ALKBH8: variants seen among roughly 807,000 people sequenced by gnomAD.
The protein encoded by ALKBH8 is alkB homolog 8, tRNA methyltransferase.
Under a neutral mutation model 59.8 loss-of-function variants are expected in ALKBH8, and 36 were observed. The observed-to-expected ratio is 0.60, with a 90% CI of 0.46 to 0.79. The LOEUF (loss-of-function observed/expected upper bound fraction) is 0.79. Ranked by LOEUF, ALKBH8 falls within the 30% of genes least tolerant of loss-of-function variation. The probability of loss-of-function intolerance (pLI) is 0.00; values close to 1 mark genes in which losing one functional copy is unlikely to be tolerated. For missense variants in ALKBH8, 768 were observed against 801.0 expected, an observed-to-expected ratio of 0.96 and a Z score of 0.50; for synonymous variants, 276 against 273.6, an observed-to-expected ratio of 1.01 and a Z score of -0.09.
rs114605165 is a variant in ALKBH8, at chr11:107,529,923, G to A, written c.878+2377C>T. ...ACAACTGATGCTCAGCCTTAGATCA[G>A]GGAGTAACAGAAAGGGGTAGGAACT... On this transcript the variant is annotated intron_variant, in intron 8 of 11. Transcript: ENST00000428149. 1.3e-3 allele frequency among the ~76,000 whole-genome samples: 192 copies of A among 152,278 alleles called. 1 individual carries two copies. The highest frequency in any genetic ancestry group is 4.4e-3 in the African/African-American group (184 of 41,554).
At chr11:107,551,771 AAT>A in intron 6 of ALKBH8, 35 bp downstream of exon 6, 1 of 1,340,176 alleles carries the variant, frequency 7.5e-7, no homozygotes, top group Non-Finnish European at 1.0e-6. Context: ...TCAGTTCCAA[AAT>A]ATGTGACTAA....
chr11:107,564,229 G>A (rs748149400), intron 1 of ALKBH8, among the ~76,000 whole-genome samples: 1 of 152,138 alleles, frequency 6.6e-6, no homozygotes, highest in African/African-American at 2.4e-5. Context: ...TTGCTTGTTA[G>A]TGAGTTTAAA....
intron 11 of ALKBH8, among the ~76,000 whole-genome samples, chr11:107,509,992 C>CCTTCCTCTATT (rs2135470861): frequency 6.6e-6 from 1 of 152,294 alleles, no homozygotes; most frequent in African/African-American, 2.4e-5. Flanking sequence ...ACTGGTATAG[C>CCTTCCTCTATT]TGCTCCTTTC....
intron 7 of ALKBH8, among the ~76,000 whole-genome samples, chr11:107,543,273 TG>T (rs1864120809): frequency 6.6e-6 from 1 of 151,640 alleles, no homozygotes; most frequent in African/African-American, 2.4e-5. Context: ...AGGCGGAGGT[TG>T]CAGTGAGCCA....
intron 3 of ALKBH8, 25 bp downstream of exon 3, chr11:107,556,741 T>A (rs1864729646): frequency 7.7e-7 from 1 of 1,302,218 alleles, no homozygotes; most frequent in African/African-American, 1.5e-5. Flanking sequence ...GAATCATTTT[T>A]TAAAAGATAA....
chr11:107,560,621 C>G (rs930487526), intron 2 of ALKBH8, 144 bp downstream of exon 2: 1 of 686,928 alleles, frequency 1.5e-6, no homozygotes, highest in African/African-American at 1.8e-5. Context: ...AGAAAGTTAG[C>G]AGTTCATATC....
In ALKBH8 at chr11:107,505,109, G is replaced by C. The variant is rs771898321; in HGVS notation, c.1544C>G (p.Ser515Cys). The C allele has an allele frequency of 6.4e-7, 1 of 1,551,136 alleles. No homozygotes were observed. The highest frequency in any genetic ancestry group is 1.2e-5 in the South Asian group (1 of 84,056). The change falls in exon 12 of 12, where the codon TCC becomes TGC. Residue 515 changes from serine to cysteine, a missense_variant. Physicochemically the swap from Ser to Cys is moderately radical, Grantham distance 112 (BLOSUM62 -1). Coordinates refer to ENST00000428149, the MANE Select transcript of ALKBH8 (RefSeq NM_138775.3). The stretch of plus-strand genomic sequence containing the variant: ...ATTTCTGTTTCCTCTAAGATACTTG[G>C]ACTTCTGCTTATTATATTCTTGTTC... ...AMEQEYNKQK[S>C]KYLRGNRNSQ...
At chr11:107,548,592 C>T (rs1864361978) in intron 7 of ALKBH8, among the ~76,000 whole-genome samples, 1 of 152,152 alleles carries the variant, frequency 6.6e-6, no homozygotes, top group African/African-American at 2.4e-5. Flanking sequence ...TAAGAATCTA[C>T]ATACATAGTT....
chr11:107,530,786 C>A (rs1417476068), intron 8 of ALKBH8, among the ~76,000 whole-genome samples: 1 of 152,118 alleles, frequency 6.6e-6, no homozygotes, highest in Non-Finnish European at 1.5e-5. Context: ...ATCTAACTTT[C>A]CAGAGACAAC....
intron 10 of ALKBH8, among the ~76,000 whole-genome samples, chr11:107,517,636 T>G (rs1391390287): frequency 3.3e-5 from 5 of 152,182 alleles, no homozygotes; most frequent in African/African-American, 4.8e-5. Flanking sequence ...TGGAGGACAT[T>G]AGGTTAAGTG....
chr11:107,559,994 T>C (rs1391640176), intron 2 of ALKBH8, among the ~76,000 whole-genome samples: 1 of 152,202 alleles, frequency 6.6e-6, no homozygotes, highest in African/African-American at 2.4e-5. Context: ...AAGAACTCCT[T>C]ATATTCATGG....
intron 10 of ALKBH8, among the ~76,000 whole-genome samples, chr11:107,515,032 C>G (rs1293432970): frequency 6.6e-6 from 1 of 152,174 alleles, no homozygotes; most frequent in East Asian, 1.9e-4. Flanking sequence ...AATAAAGCAT[C>G]AGATCTGATG....
chr11:107,557,116 A>G, intron 2 of ALKBH8, 113 bp from the exon 3 acceptor site: 1 of 792,214 alleles, frequency 1.3e-6, no homozygotes, highest in Non-Finnish European at 1.8e-6. Flanking sequence ...AAAAAAAAGC[A>G]TTTCCTTGTA....
chr11:107,536,799 G>A (rs1045251514), intron 7 of ALKBH8, among the ~76,000 whole-genome samples: 1 of 152,102 alleles, frequency 6.6e-6, no homozygotes, highest in Non-Finnish European at 1.5e-5. Context: ...AAAAGGCCTC[G>A]GCAGAGGTGC....
chr11:107,508,432 CA>C (rs1160854326), intron 11 of ALKBH8, among the ~76,000 whole-genome samples: 4 of 152,166 alleles, frequency 2.6e-5, no homozygotes, highest in African/African-American at 4.8e-5. Context: ...TTTGTCCTTC[CA>C]AAGCACTGGG....
Position 107,504,776 on chromosome 11 carries a change from TAA to T in ALKBH8, c.1875_1876del (p.Tyr626LeufsTer6). On this transcript the variant is annotated frameshift_variant, in exon 12 of 12. Transcript: ENST00000428149. LOFTEE classifies it high-confidence loss of function. Reference sequence around the variant, plus strand: ...TTCTCCCTCACGGAACACATGGTAGTAACGATGAAACACAGGACTTGGGTCCT... The same window carrying T: ...TTCTCCCTCACGGAACACATGGTAGTCGATGAAACACAGGACTTGGGTCCT... 6.4e-7 allele frequency: 1 copy of T among 1,552,068 alleles called. No homozygotes were observed. The highest frequency in any genetic ancestry group is 8.7e-7 in the Non-Finnish European group (1 of 1,147,042).
chr11:107,546,710 C>T (rs1864272716), intron 7 of ALKBH8, among the ~76,000 whole-genome samples: 1 of 152,090 alleles, frequency 6.6e-6, no homozygotes, highest in Non-Finnish European at 1.5e-5. Context: ...AAATCATCCT[C>T]ACTTATACAC....
chr11:107,552,979 T>G, intron 5 of ALKBH8, 129 bp downstream of exon 5: 1 of 581,138 alleles, frequency 1.7e-6, no homozygotes, highest in Non-Finnish European at 2.8e-6. Context: ...CTAATTAAAG[T>G]GTTTTAAATA....
At chr11:107,553,040 A>C (rs1035933450) in intron 5 of ALKBH8, 68 bp downstream of exon 5, 7 of 921,344 alleles carry the variant, frequency 7.6e-6, no homozygotes, top group Non-Finnish European at 1.1e-5. Flanking sequence ...TAATCCCCCA[A>C]CTATCATATT....
Sources: allele counts gnomAD v4.1 joint callset (sites outside exome capture counted in the v4.1 genomes callset), GRCh38; gene constraint gnomAD v4.1.1; transcripts MANE v1.5; gene names NCBI Gene and HGNC (gene_info 2026-07-23, HGNC 2026-07-21).